The following SLC13A1 variants were observed in gnomAD, a reference collection of about 807,000 sequenced individuals.
SLC13A1 encodes solute carrier family 13 member 1, also known as Na(+)/sulfate cotransporter.
Under a neutral mutation model 70.0 loss-of-function variants are expected in SLC13A1, and 65 were observed. The observed-to-expected ratio is 0.93, with a 90% CI of 0.76 to 1.14. The LOEUF (loss-of-function observed/expected upper bound fraction) is 1.14, where lower values mean the gene tolerates loss of function less well. SLC13A1 is among the 50% of genes most tolerant of loss of function. The pLI, the probability that SLC13A1 is intolerant of heterozygous loss-of-function variation, is 0.00. For missense variants in SLC13A1, 726 were observed against 717.8 expected, an observed-to-expected ratio of 1.01 and a Z score of -0.13; for synonymous variants, 275 against 250.5, an observed-to-expected ratio of 1.10 and a Z score of -0.92.
At chr7:123,168,483 C>A in intron 5 of SLC13A1, 21 bp downstream of exon 5, 1 of 1,603,224 alleles carries the variant, frequency 6.2e-7, no homozygotes, top group Non-Finnish European at 8.5e-7. Context: ...AAATCCCAAT[C>A]AAAATGTCAG....
chr7:123,137,808 T>C (rs1794002612), intron 7 of SLC13A1, among the ~76,000 whole-genome samples: 1 of 152,278 alleles, frequency 6.6e-6, no homozygotes, highest in Admixed American at 6.5e-5. Context: ...TTGGTGTATA[T>C]ATGTATGGGG....
intron 1 of SLC13A1, among the ~76,000 whole-genome samples, chr7:123,195,779 T>C (rs980622516): frequency 2.6e-5 from 4 of 152,054 alleles, no homozygotes; most frequent in East Asian, 1.9e-4. Context: ...TGGTATCGGT[T>C]TTACAACCCA....
chr7:123,178,027 C>CTCTCTCTT (rs1563349661), intron 2 of SLC13A1, among the ~76,000 whole-genome samples: 3 of 150,100 alleles, frequency 2.0e-5, no homozygotes, highest in African/African-American at 7.4e-5. Context: ...TTCTCTCTCT[C>CTCTCTCTT]TCTCTCTATA....
intron 1 of SLC13A1, chr7:123,186,879 C>T (rs1175996911): frequency 5.7e-6 from 2 of 347,912 alleles, no homozygotes; most frequent in East Asian, 8.6e-5. Flanking sequence ...TCATGAAGGA[C>T]ATAACTGTAA....
intron 7 of SLC13A1, among the ~76,000 whole-genome samples, chr7:123,144,513 G>A (rs1794281218): frequency 6.6e-6 from 1 of 152,154 alleles, no homozygotes; most frequent in Non-Finnish European, 1.5e-5. Context: ...GTCAGATTGT[G>A]TAGTCAAACT....
At chr7:123,138,591 G>A (rs1285726858) in intron 7 of SLC13A1, among the ~76,000 whole-genome samples, 2 of 152,030 alleles carry the variant, frequency 1.3e-5, no homozygotes, top group Non-Finnish European at 2.9e-5. Context: ...GTTATTGCCT[G>A]TCTTTTGGAT....
intron 8 of SLC13A1, among the ~76,000 whole-genome samples, chr7:123,133,132 T>C (rs1245428047): frequency 6.6e-6 from 1 of 152,142 alleles, no homozygotes; most frequent in Admixed American, 6.5e-5. Flanking sequence ...ATTTTCTGGG[T>C]AAATTCTATC....
intron 10 of SLC13A1, among the ~76,000 whole-genome samples, chr7:123,125,893 T>C (rs1793542160): frequency 6.6e-6 from 1 of 152,180 alleles, no homozygotes; most frequent in Admixed American, 6.6e-5. Flanking sequence ...ATTGTTCCCA[T>C]ATATCTCTTC....
intron 6 of SLC13A1, among the ~76,000 whole-genome samples, chr7:123,148,931 T>C (rs1005326969): frequency 6.6e-6 from 1 of 152,162 alleles, no homozygotes; most frequent in South Asian, 2.1e-4. Flanking sequence ...TATTTGACTG[T>C]GTATTAATTT....
intron 7 of SLC13A1, among the ~76,000 whole-genome samples, chr7:123,140,961 G>A (rs1025487773): frequency 2.0e-5 from 3 of 151,600 alleles, no homozygotes; most frequent in Admixed American, 6.6e-5. Context: ...CTTTGGGTTT[G>A]GTTTGCTCTT....
rs1211686083 is a variant in SLC13A1 at position 123,129,469 on chromosome 7, C to T, written c.945G>A (p.Met315Ile). 2.5e-6 allele frequency: 4 copies of T among 1,612,070 alleles called. No individual in the cohort carries two copies. The highest frequency in any genetic ancestry group is 4.5e-5 in the East Asian group (2 of 44,802). Reference protein sequence around the residue: ...WLFLGFNFKEMFKCGKTKTVQ... With the variant: ...WLFLGFNFKEIFKCGKTKTVQ... ...CTGTTTTGGTTTTGCCACATTTGAA[C>T]ATCTCCTTAAAACTGCAAAGAATAA... Residue 315 changes from methionine to isoleucine, a missense_variant, in exon 9 of 15, where the codon ATG becomes ATA. Met to Ile is a conservative substitution (Grantham distance 10). Coordinates refer to ENST00000194130, the MANE Select transcript of SLC13A1 (RefSeq NM_022444.4).
At chr7:123,161,745 C>A (rs766126619) in intron 6 of SLC13A1, among the ~76,000 whole-genome samples, 7 of 152,074 alleles carry the variant, frequency 4.6e-5, no homozygotes, top group Non-Finnish European at 8.8e-5. Context: ...CATACCTTAA[C>A]TAGTGCAAGT....
chr7:123,138,327 G>T (rs572519982), intron 7 of SLC13A1, among the ~76,000 whole-genome samples: 9 of 152,202 alleles, frequency 5.9e-5, no homozygotes, highest in African/African-American at 2.2e-4. Flanking sequence ...AGGCACTTAG[G>T]TTGCATCCAA....
intron 2 of SLC13A1, among the ~76,000 whole-genome samples, chr7:123,174,029 T>G (rs1795364251): frequency 6.6e-6 from 1 of 151,444 alleles, no homozygotes; most frequent in Admixed American, 6.6e-5. Context: ...CTTTTTTTTC[T>G]AACTTTGAAA....
chr7:123,167,352 A>T (rs1388441112), intron 6 of SLC13A1, among the ~76,000 whole-genome samples: 1 of 152,186 alleles, frequency 6.6e-6, no homozygotes, highest in Non-Finnish European at 1.5e-5. Context: ...TTCCCATCTT[A>T]AAAAATCCTT....
chr7:123,166,312 A>G (rs530175711), intron 6 of SLC13A1, among the ~76,000 whole-genome samples: 117 of 152,170 alleles, frequency 7.7e-4, no homozygotes, highest in African/African-American at 2.3e-3. Flanking sequence ...TCCAAAGATG[A>G]CCACAAGAAA....
At chr7:123,182,171 T>A (rs1362762360) in intron 1 of SLC13A1, among the ~76,000 whole-genome samples, 1 of 152,138 alleles carries the variant, frequency 6.6e-6, no homozygotes, top group East Asian at 1.9e-4. Context: ...TGATAAACAA[T>A]AAAACAACAA....
At chr7:123,183,224 T>A (rs1018475930) in intron 1 of SLC13A1, among the ~76,000 whole-genome samples, 2 of 152,150 alleles carry the variant, frequency 1.3e-5, no homozygotes, top group African/African-American at 4.8e-5. Flanking sequence ...GGCAATTCTA[T>A]ATATTTGATT....
chr7:123,119,172 A>G lies in SLC13A1; in HGVS notation c.1421T>C (p.Ile474Thr). ...TGTCACCATCAAAGAAGATATCAGA[A>G]TTATTAGCCATGCTGGTAATGAACC... ...PLGSLPAWLI[I>T]LISSLMVTSL... Residue 474 changes from isoleucine (I) to threonine (T), a missense_variant, in exon 13 of 15, where the codon ATT becomes ACT. Coordinates refer to ENST00000194130, the MANE Select transcript of SLC13A1 (RefSeq NM_022444.4). 1 of 1,612,882 alleles carries G rather than the reference A, an allele frequency of 6.2e-7. No homozygotes were observed. Among genetic ancestry groups the G allele is most frequent in the Non-Finnish European group, 8.5e-7 (1 of 1,179,206 alleles).
Sources: gnomAD v4.1 joint callset for allele counts (sites outside exome capture counted in the v4.1 genomes callset) on GRCh38, gnomAD v4.1.1 for gene constraint, MANE v1.5 for transcripts, NCBI Gene and HGNC (gene_info 2026-07-23, HGNC 2026-07-21) for gene names.